The following CCDC159 variants were observed in gnomAD, a reference collection of about 807,000 sequenced individuals.
The protein encoded by CCDC159 is coiled-coil domain containing 159.
A neutral mutation model predicts 50.9 loss-of-function variants in CCDC159; 40 were observed. That is an observed-to-expected ratio of 0.79 (90% CI 0.61 to 1.02). The LOEUF (loss-of-function observed/expected upper bound fraction) is 1.02. CCDC159 is among the 50% of genes least tolerant of loss of function. CCDC159 has a pLI of 0.00. For missense variants in CCDC159, 356 were observed against 371.5 expected (o/e 0.96, Z 0.34); for synonymous variants, 146 against 138.9 (o/e 1.05, Z -0.36).
At chr19:11,353,077 T>G (rs1055671722) in intron 7 of CCDC159, among the ~76,000 whole-genome samples, 17 of 152,154 alleles carry the variant, frequency 1.1e-4, no homozygotes, top group African/African-American at 4.1e-4. Context: ...CAGTCACCTT[T>G]TACTATTATC....
At chr19:11,350,775 C>A in intron 4 of CCDC159, 33 bp from the exon 5 acceptor site, 1 of 1,516,148 alleles carries the variant, frequency 6.6e-7, no homozygotes, top group South Asian at 1.3e-5. Context: ...AGGGTGGGAT[C>A]AGGGCTCAGT....
chr19:11,347,214 G>C (rs1441715543), intron 1 of CCDC159, among the ~76,000 whole-genome samples: 2 of 152,142 alleles, frequency 1.3e-5, no homozygotes, highest in African/African-American at 2.4e-5. Flanking sequence ...CACAGGGTGG[G>C]TGTGAAGATC....
chr19:11,354,516 G>A (rs1475455985), intron 9 of CCDC159, 64 bp from the exon 10 acceptor site: 5 of 1,433,560 alleles, frequency 3.5e-6, no homozygotes, highest in East Asian at 5.0e-5. Flanking sequence ...ACTATGAAGG[G>A]ACACAGGGCC....
chr19:11,354,843 C>T, intron 10 of CCDC159, 30 bp from the exon 11 acceptor site: 1 of 1,613,192 alleles, frequency 6.2e-7, no homozygotes, highest in Non-Finnish European at 8.5e-7. Context: ...TGGACCTGGC[C>T]AGGCCCTGAC....
chr19:11,347,376 G>C (rs1967305191), intron 1 of CCDC159, among the ~76,000 whole-genome samples: 1 of 152,210 alleles, frequency 6.6e-6, no homozygotes, highest in South Asian at 2.1e-4. Context: ...CGTTGCCCGG[G>C]CTGGAGCACA....
intron 7 of CCDC159, 159 bp from the exon 8 acceptor site, chr19:11,353,292 C>T (rs775069350): frequency 1.9e-4 from 119 of 625,600 alleles, no homozygotes; most frequent in African/African-American, 1.7e-3. Flanking sequence ...AGTAGAGATG[C>T]GGTTTCACTG....
rs911303163 is a variant in CCDC159, at chr19:11,346,596, C to T, written c.-11C>T. The T allele has an allele frequency of 1.3e-6, 2 of 1,551,380 alleles. No individual in the cohort carries two copies. Among genetic ancestry groups the T allele is most frequent in the African/African-American group, 2.7e-5 (2 of 73,036 alleles). ...CAGCGTCACAGCTGAGGACTGGCTTCGTGGTCCCTGATGGGAGAGCATGAA... is the reference window on the plus strand; with the variant it reads ...CAGCGTCACAGCTGAGGACTGGCTTTGTGGTCCCTGATGGGAGAGCATGAA... On this transcript the variant is annotated 5_prime_UTR_variant, in exon 1 of 11. Transcript: ENST00000458408.
At chr19:11,353,950 T>A in intron 9 of CCDC159, 76 bp downstream of exon 9, 2 of 1,204,632 alleles carry the variant, frequency 1.7e-6, no homozygotes, top group Non-Finnish European at 2.3e-6. Flanking sequence ...TCAGAGAGCC[T>A]ATTTGGGAGT....
In CCDC159 at chr19:11,354,622, G is replaced by A. The variant is rs1271685394; in HGVS notation, c.815G>A (p.Trp272Ter). ...TGCCTGAGCCCTCCACTCCCCTCCT[G>A]GGACTCTGACTCCGACTGTGACCAG... is the stretch of plus-strand genomic sequence containing the variant. ...HQCLSPPLPS[W>*]DSDSDCDQDL... is the part of the protein sequence containing the mutation. The change falls in exon 10 of 11, where the codon TGG becomes TAG. Residue 272 changes from tryptophan to a stop codon, truncating the protein, a stop_gained. Coordinates refer to ENST00000458408, the MANE Select transcript of CCDC159 (RefSeq NM_001080503.3). LOFTEE classifies it high-confidence loss of function. The A allele has an allele frequency of 6.2e-7, 1 of 1,603,042 alleles. No individual in the cohort carries two copies. Among genetic ancestry groups the A allele is most frequent in the South Asian group, 1.1e-5 (1 of 89,264 alleles).
In CCDC159 at chr19:11,352,930, CA is replaced by C. The variant is rs999519931; in HGVS notation, c.568-515del. 3.3e-5 allele frequency among the ~76,000 whole-genome samples: 5 copies of C among 150,592 alleles called. No homozygotes were observed. In the Admixed American group the frequency reaches 3.3e-4, roughly 10 times the overall value. On this transcript the variant is annotated intron_variant, in intron 7 of 10. Transcript: ENST00000458408. The stretch of plus-strand genomic sequence containing the variant: ...TGGGCGACAGACTGAGACCCTGTCT[CA>C]AAAAAGAAACAAACACCAAAAACAA...
At chr19:11,348,101 A>G in intron 1 of CCDC159, 1 of 456,128 alleles carries the variant, frequency 2.2e-6, no homozygotes, top group Non-Finnish European at 4.4e-6. Flanking sequence ...ACCAGCATAG[A>G]GCATGTGATT....
Position 11,350,901 on chromosome 19 carries a change from A to G in CCDC159, c.320A>G (p.Gln107Arg). ...GRQELYGALT[Q>R]GLQGLEKTLR... ...CAGGAGCTGTATGGGGCCCTGACCC[A>G]AGGCCTTCAGGGGCTGGAGAAGACC... The change falls in exon 5 of 11, where the codon CAA becomes CGA. Residue 107 changes from glutamine (Q) to arginine (R), a missense_variant. Physicochemically the swap from Gln to Arg is conservative, Grantham distance 43. Coordinates refer to ENST00000458408, the MANE Select transcript of CCDC159 (RefSeq NM_001080503.3). 6.4e-7 allele frequency: 1 copy of G among 1,552,990 alleles called. No homozygotes were observed. The highest frequency in any genetic ancestry group is 8.7e-7 in the Non-Finnish European group (1 of 1,148,208).
intron 8 of CCDC159, 78 bp from the exon 9 acceptor site, chr19:11,353,714 C>A: frequency 6.5e-7 from 1 of 1,540,088 alleles, no homozygotes; most frequent in Non-Finnish European, 8.8e-7. Context: ...CCACGGCCCC[C>A]AACCTTAGCT....
intron 9 of CCDC159, 39 bp downstream of exon 9, chr19:11,353,913 T>C (rs1327226074): frequency 6.7e-6 from 10 of 1,488,856 alleles, no homozygotes; most frequent in Non-Finnish European, 9.1e-6. Flanking sequence ...TGGGAGGTCA[T>C]TGTCTAGCTT....
At chr19:11,353,189 C>G (rs1967676536) in intron 7 of CCDC159, among the ~76,000 whole-genome samples, 2 of 152,108 alleles carry the variant, frequency 1.3e-5, no homozygotes, top group African/African-American at 4.8e-5. Flanking sequence ...CAACCTCTGC[C>G]TCCTGGGTTC....
rs768237694 is a variant in CCDC159, at chr19:11,349,152, G to A, written c.22-502G>A. 3.1e-5 allele frequency: 42 copies of A among 1,350,980 alleles called. 1 individual carries two copies. In the South Asian group the frequency reaches 4.3e-4, roughly 14 times the overall value. The allele number at this position is 1,350,980 out of a possible 1,614,324, so 83.7% of individuals were successfully genotyped here. A position where few individuals can be genotyped will look rare whatever the true frequency, so the allele number is the denominator to read the frequency against. The stretch of plus-strand genomic sequence containing the variant: ...AGTCCAGACCTGCAGAAGCAGTGCT[G>A]TAATGACCAGGACATTTTGAAGAGG... On this transcript the variant is annotated intron_variant, in intron 1 of 10. Coordinates refer to ENST00000458408, the MANE Select transcript of CCDC159 (RefSeq NM_001080503.3).
At chr19:11,353,392 G>A (rs1047028256) in intron 7 of CCDC159, 59 bp from the exon 8 acceptor site, 45 of 1,512,224 alleles carry the variant, frequency 3.0e-5, no homozygotes, top group South Asian at 9.8e-5. Flanking sequence ...GAGCCACCGC[G>A]CCTGGCACTA....
At chr19:11,353,733 G>C in intron 8 of CCDC159, 59 bp from the exon 9 acceptor site, 2 of 1,546,040 alleles carry the variant, frequency 1.3e-6, no homozygotes, top group Non-Finnish European at 1.8e-6. Context: ...CTGTACTGCT[G>C]TCTACACCCT....
chr19:11,353,291 G>A, intron 7 of CCDC159, 160 bp from the exon 8 acceptor site: 1 of 621,644 alleles, frequency 1.6e-6, no homozygotes, highest in Non-Finnish European at 2.5e-6. Context: ...TAGTAGAGAT[G>A]CGGTTTCACT....
Sources: allele counts gnomAD v4.1 joint callset (sites outside exome capture counted in the v4.1 genomes callset), GRCh38; gene constraint gnomAD v4.1.1; transcripts MANE v1.5; gene names NCBI Gene and HGNC (gene_info 2026-07-23, HGNC 2026-07-21).